Variants in WDR70 observed in about 807,000 individuals in gnomAD.
WDR70 encodes the protein WD repeat-containing protein 70.
In WDR70, 53 loss-of-function variants were observed where a neutral mutation model predicts 88.6. The ratio of observed to expected loss-of-function variants is 0.60; its 90% CI spans 0.48 to 0.75. The LOEUF (loss-of-function observed/expected upper bound fraction) is 0.75, where lower values mean the gene tolerates loss of function less well. Ranked by LOEUF, WDR70 falls within the 30% of genes least tolerant of loss-of-function variation. WDR70 has a pLI of 0.00. For missense variants in WDR70, 610 were observed against 823.2 expected, an observed-to-expected ratio of 0.74 and a Z score of 3.17; for synonymous variants, 280 against 270.0, an observed-to-expected ratio of 1.04 and a Z score of -0.36.
At chr5:37,385,779 G>GTTT (rs1174960514) in intron 3 of WDR70, among the ~76,000 whole-genome samples, 1 of 151,130 alleles carries the variant, frequency 6.6e-6, no homozygotes, top group Non-Finnish European at 1.5e-5. Flanking sequence ...AAGCTCTGTG[G>GTTT]CAGGAACCTG....
intron 8 of WDR70, among the ~76,000 whole-genome samples, chr5:37,513,445 G>A (rs1241035753): frequency 1.3e-5 from 2 of 152,218 alleles, no homozygotes; most frequent in Admixed American, 6.5e-5. Flanking sequence ...TGGCTGGTAT[G>A]TGCTGGGCAT....
Position 37,563,312 on chromosome 5 carries a change from C to G in WDR70, c.918-41752C>G. Among the ~76,000 whole-genome samples, 2 of 61,402 alleles carry G rather than the reference C, an allele frequency of 3.3e-5. 1 individual carries two copies. Among genetic ancestry groups the G allele is most frequent in the Non-Finnish European group, 7.8e-5 (2 of 25,702 alleles). 40.3% of individuals were successfully genotyped at this position (61,402 alleles called of 152,430 possible). A position where few individuals can be genotyped will look rare whatever the true frequency, so the allele number is the denominator to read the frequency against. On this transcript the variant is annotated intron_variant, in intron 9 of 17. Transcript: ENST00000265107. ...CTGGCCGGGCGGGGGGCTGGCCCCCCACCTCCCTCCTGGACGGGGCGGCTG... is the reference window on the plus strand; with the variant it reads ...CTGGCCGGGCGGGGGGCTGGCCCCCGACCTCCCTCCTGGACGGGGCGGCTG...
At chr5:37,500,716 C>CTTTTT (rs550821207) in intron 8 of WDR70, among the ~76,000 whole-genome samples, 2,510 of 63,262 alleles carry the variant, frequency 0.04, 806 homozygotes, top group Non-Finnish European at 0.063. Context: ...TATTTGTTGG[C>CTTTTT]TTTTTTTTTT....
At chr5:37,585,913 C>T (rs1743351561) in intron 9 of WDR70, among the ~76,000 whole-genome samples, 1 of 152,178 alleles carries the variant, frequency 6.6e-6, no homozygotes, top group African/African-American at 2.4e-5. Flanking sequence ...TAGCCTATTT[C>T]TGTCATCATC....
intron 10 of WDR70, among the ~76,000 whole-genome samples, chr5:37,612,008 C>CT (rs1403373412): frequency 1.3e-5 from 2 of 152,102 alleles, no homozygotes; most frequent in East Asian, 3.9e-4. Flanking sequence ...CTTCTCCTTT[C>CT]TTTCTGCAAA....
At chr5:37,461,057 A>C (rs1448094429) in intron 7 of WDR70, among the ~76,000 whole-genome samples, 1 of 150,530 alleles carries the variant, frequency 6.6e-6, no homozygotes, top group African/African-American at 2.5e-5. Context: ...GTGTGTGTGC[A>C]TATCTATTGT....
At chr5:37,483,595 C>T (rs1298000954) in intron 8 of WDR70, among the ~76,000 whole-genome samples, 1 of 152,216 alleles carries the variant, frequency 6.6e-6, no homozygotes, top group African/African-American at 2.4e-5. Flanking sequence ...CATCATAGCC[C>T]GTTCTCAATG....
At chr5:37,528,348 A>C (rs1336768852) in intron 9 of WDR70, among the ~76,000 whole-genome samples, 1 of 152,196 alleles carries the variant, frequency 6.6e-6, no homozygotes, top group Non-Finnish European at 1.5e-5. Context: ...ATGAAGCTGG[A>C]AACCATTATT....
intron 10 of WDR70, among the ~76,000 whole-genome samples, chr5:37,605,991 A>G (rs1260791062): frequency 6.6e-6 from 1 of 152,204 alleles, no homozygotes; most frequent in Non-Finnish European, 1.5e-5. Flanking sequence ...GTTTCTGGCC[A>G]CATTATTAAT....
Position 37,679,111 on chromosome 5 carries a change from G to C in WDR70, c.1093-18544G>C, listed in dbSNP as rs554641476. Among the ~76,000 whole-genome samples the C allele has an allele frequency of 1.2e-4, 18 of 151,808 alleles. No homozygotes were observed. The South Asian group carries it at 2.3e-3, about 19-fold the overall frequency. ...CTCCTTTAAGCACTTCTCTGTATTGGTTATTCTAGTTATACATTCGTCTAA... is the reference window on the plus strand; with the variant it reads ...CTCCTTTAAGCACTTCTCTGTATTGCTTATTCTAGTTATACATTCGTCTAA... On this transcript the variant is annotated intron_variant, in intron 10 of 17. Transcript: ENST00000265107.
chr5:37,700,963 G>C (rs1581509875), intron 11 of WDR70, 95 bp from the exon 12 acceptor site: 3 of 721,470 alleles, frequency 4.2e-6, no homozygotes, highest in Non-Finnish European at 7.4e-6. Flanking sequence ...CTTCTTTACA[G>C]TTATACATTA....
At chr5:37,686,592 G>A (rs1298469931) in intron 10 of WDR70, among the ~76,000 whole-genome samples, 2 of 151,882 alleles carry the variant, frequency 1.3e-5, no homozygotes, top group Non-Finnish European at 2.9e-5. Flanking sequence ...ATAAAAACCA[G>A]CCAGGCGTGG....
At chr5:37,431,801 T>A (rs911741127) in intron 5 of WDR70, among the ~76,000 whole-genome samples, 9 of 152,338 alleles carry the variant, frequency 5.9e-5, no homozygotes, top group South Asian at 2.1e-4. Flanking sequence ...AGTGGAACCA[T>A]ATAGTATTTG....
chr5:37,726,429 A>T (rs1747971376), intron 16 of WDR70, among the ~76,000 whole-genome samples: 1 of 152,192 alleles, frequency 6.6e-6, no homozygotes, highest in South Asian at 2.1e-4. Flanking sequence ...GCAGAGCAAC[A>T]TGAATCAGTA....
chr5:37,535,607 A>G (rs958699125), intron 9 of WDR70, among the ~76,000 whole-genome samples: 7 of 152,324 alleles, frequency 4.6e-5, no homozygotes, highest in African/African-American at 1.4e-4. Flanking sequence ...TTGGAAAGTC[A>G]AAGTCAATAG....
At chr5:37,606,080 A>G (rs996682911) in intron 10 of WDR70, among the ~76,000 whole-genome samples, 2 of 152,324 alleles carry the variant, frequency 1.3e-5, no homozygotes, top group African/African-American at 2.4e-5. Context: ...TCCTGTCCTC[A>G]TGGAGTTTTC....
chr5:37,737,046 A>G (rs1374749854), intron 17 of WDR70, among the ~76,000 whole-genome samples: 1 of 152,154 alleles, frequency 6.6e-6, no homozygotes, highest in African/African-American at 2.4e-5. Context: ...AAATTAATTT[A>G]CCAAATATAT....
At chr5:37,649,476 G>A (rs1481695781) in intron 10 of WDR70, among the ~76,000 whole-genome samples, 1 of 149,866 alleles carries the variant, frequency 6.7e-6, no homozygotes, top group Non-Finnish European at 1.5e-5. Context: ...AGAGCAAGGG[G>A]ATTGCTTCTT....
intron 10 of WDR70, among the ~76,000 whole-genome samples, chr5:37,637,311 C>T (rs113739521): frequency 4.0e-4 from 59 of 148,952 alleles, no homozygotes; most frequent in African/African-American, 6.4e-4. Flanking sequence ...GGCTACAGAG[C>T]GAGACTCTGT....
Sources: gnomAD v4.1 joint callset for allele counts (sites outside exome capture counted in the v4.1 genomes callset) on GRCh38, gnomAD v4.1.1 for gene constraint, MANE v1.5 for transcripts, NCBI Gene and HGNC (gene_info 2026-07-23, HGNC 2026-07-21) for gene names.